Variants in LRRC37A2 observed in about 807,000 individuals in gnomAD.
LRRC37A2 encodes leucine-rich repeat-containing protein 37A2.
Under a neutral mutation model 68.8 loss-of-function variants are expected in LRRC37A2, and 9 were observed. That is an observed-to-expected ratio of 0.13 (90% confidence interval 0.08 to 0.23). The LOEUF is 0.23. LRRC37A2 is among the 10% of genes least tolerant of loss of function. LRRC37A2 has a pLI of 1.00. For missense variants in LRRC37A2, 168 were observed against 950.4 expected (o/e 0.18, Z 10.82); for synonymous variants, 63 against 367.6 (o/e 0.17, Z 9.48).
the LRRC37A2 span, chr17:46,721,686 C>G: frequency 1.9e-6 from 3 of 1,605,486 alleles, no homozygotes; most frequent in Non-Finnish European, 2.6e-6. Context: ...TTCTGCTGTG[C>G]TTTGTCCAAA....
At chr17:46,887,789 G>GAA in the LRRC37A2 span, among the ~76,000 whole-genome samples, 2 of 151,680 alleles carry the variant, frequency 1.3e-5, no homozygotes, top group African/African-American at 4.9e-5. Flanking sequence ...AAGAAAGAAA[G>GAA]AAATCTCTGA....
chr17:46,830,219 C>T, the LRRC37A2 span, among the ~76,000 whole-genome samples: 1 of 152,242 alleles, frequency 6.6e-6, no homozygotes, highest in East Asian at 1.9e-4. Context: ...TTTTGCTATG[C>T]ACATCAGCAG....
the LRRC37A2 span, among the ~76,000 whole-genome samples, chr17:46,933,825 G>T: frequency 6.6e-6 from 1 of 151,862 alleles, no homozygotes; most frequent in Non-Finnish European, 1.5e-5. Flanking sequence ...TTAGCCGGGC[G>T]TGGTGGCGTG....
the LRRC37A2 span, among the ~76,000 whole-genome samples, chr17:46,891,228 T>C: frequency 6.6e-6 from 1 of 152,246 alleles, no homozygotes; most frequent in East Asian, 1.9e-4. Context: ...TTAACCTTTG[T>C]GTAGCGCATT....
At chr17:46,821,759 C>A in the LRRC37A2 span, among the ~76,000 whole-genome samples, 3 of 152,198 alleles carry the variant, frequency 2.0e-5, no homozygotes, top group Non-Finnish European at 4.4e-5. Context: ...CCAGTCCCAA[C>A]CCAACCCCTC....
the LRRC37A2 span, chr17:46,966,718 T>C: frequency 4.2e-6 from 2 of 476,552 alleles, no homozygotes; most frequent in South Asian, 8.3e-5. Context: ...TGATTTCAGA[T>C]CAGTGACTTG....
the LRRC37A2 span, among the ~76,000 whole-genome samples, chr17:46,997,170 G>A: frequency 6.6e-6 from 1 of 152,100 alleles, no homozygotes; most frequent in African/African-American, 2.4e-5. Context: ...GGGTAACATG[G>A]TGAAACCCCA....
At chr17:46,892,624 G>A in the LRRC37A2 span, among the ~76,000 whole-genome samples, 72 of 152,308 alleles carry the variant, frequency 4.7e-4, no homozygotes, top group Middle Eastern at 3.4e-3. Context: ...GAGCTTCTAT[G>A]AGCAAGAACT....
chr17:46,626,016 G>T, the LRRC37A2 span, among the ~76,000 whole-genome samples: 3 of 148,700 alleles, frequency 2.0e-5, no homozygotes, highest in South Asian at 6.3e-4. Context: ...TTATTTACAG[G>T]TAATTTCTGA....
the LRRC37A2 span, chr17:46,932,005 GC>G: frequency 6.7e-7 from 1 of 1,490,230 alleles, no homozygotes; most frequent in South Asian, 1.1e-5. Context: ...ACAAAGCCTG[GC>G]CCCCTCAGAT....
chr17:46,974,982 A>ATTTT, the LRRC37A2 span, among the ~76,000 whole-genome samples: 3 of 69,806 alleles, frequency 4.3e-5, no homozygotes, highest in South Asian at 6.6e-4. Context: ...ATGAATTACT[A>ATTTT]TTTTCTTTTT....
intron 8 of LRRC37A2, among the ~76,000 whole-genome samples, chr17:46,545,375 C>T (rs1251007410): frequency 5.9e-5 from 8 of 135,356 alleles, no homozygotes; most frequent in African/African-American, 2.5e-4. Context: ...CCCTTGAGCC[C>T]AGGGGGGTTG....
the LRRC37A2 span, chr17:46,978,952 C>A: frequency 6.9e-7 from 1 of 1,454,070 alleles, no homozygotes. Context: ...CCCGGCGCCG[C>A]CGCCCACGCC....
the LRRC37A2 span, among the ~76,000 whole-genome samples, chr17:46,997,222 CAT>C: frequency 6.6e-6 from 1 of 152,020 alleles, no homozygotes; most frequent in Admixed American, 6.6e-5. Context: ...TGTGGTGGCA[CAT>C]GTCTGTAGTC....
chr17:46,978,609 T>C, the LRRC37A2 span: 1 of 1,546,790 alleles, frequency 6.5e-7, no homozygotes, highest in African/African-American at 1.4e-5. Context: ...GGGTCCTTCT[T>C]GCAGCAGCGC....
At chr17:46,825,850 C>T in the LRRC37A2 span, among the ~76,000 whole-genome samples, 12 of 152,296 alleles carry the variant, frequency 7.9e-5, no homozygotes, top group East Asian at 2.3e-3. Flanking sequence ...GTGGCAAAAC[C>T]CTGTCTCTAC....
chr17:46,927,217 A>T, the LRRC37A2 span, among the ~76,000 whole-genome samples: 1 of 152,172 alleles, frequency 6.6e-6, no homozygotes. Flanking sequence ...TTCATTTAAA[A>T]AAAATGCCTT....
rs1446776683 is a variant in LRRC37A2, at chr17:46,521,024, A to G, written c.2753+741A>G. On this transcript the variant is annotated intron_variant, in intron 4 of 14. Transcript: ENST00000576629. ...TCATTTCAGGAATTGTTATATTAAA[A>G]CAGATGTTTAAAATGATGGTTAACT... 2.6e-4 allele frequency among the ~76,000 whole-genome samples: 21 copies of G among 80,994 alleles called. 6 individuals are homozygous for G. Among genetic ancestry groups the G allele is most frequent in the African/African-American group, 6.8e-4 (19 of 27,798 alleles). The allele number at this position is 80,994 out of a possible 152,430, so 53.1% of individuals were successfully genotyped here. A position where few individuals can be genotyped will look rare whatever the true frequency, so the allele number is the denominator to read the frequency against.
the LRRC37A2 span, among the ~76,000 whole-genome samples, chr17:46,986,824 G>T: frequency 1.4e-5 from 2 of 145,808 alleles, no homozygotes; most frequent in South Asian, 4.4e-4. Flanking sequence ...GTGACCTGCT[G>T]GGGGGAACAG....
Sources: allele counts gnomAD v4.1 joint callset (sites outside exome capture counted in the v4.1 genomes callset), GRCh38; gene constraint gnomAD v4.1.1; transcripts MANE v1.5; gene names NCBI Gene and HGNC (gene_info 2026-07-23, HGNC 2026-07-21).